The following RARG variants were observed in gnomAD, a reference collection of about 807,000 sequenced individuals.
RARG encodes the protein retinoic acid receptor gamma.
In RARG, 17 loss-of-function variants were observed where a neutral mutation model predicts 43.7. The observed-to-expected ratio is 0.39, with a 90% confidence interval of 0.27 to 0.58. RARG has a LOEUF of 0.58. Ranked by LOEUF, RARG falls within the 20% of genes least tolerant of loss-of-function variation. The pLI, the probability that RARG is intolerant of heterozygous loss-of-function variation, is 0.57. For synonymous variants in RARG, 238 were observed against 236.4 expected (o/e 1.01, Z -0.06); for missense variants, 346 against 598.7 (o/e 0.58, Z 4.40).
intron 3 of RARG, among the ~76,000 whole-genome samples, chr12:53,222,247 AG>A (rs1942990816): frequency 6.6e-6 from 1 of 151,458 alleles, no homozygotes; most frequent in African/African-American, 2.5e-5. Flanking sequence ...AAGAAAAGAA[AG>A]AGAAAGAAAG....
Position 53,227,889 on chromosome 12 carries a change from G to A in RARG, c.-142-202C>T, listed in dbSNP as rs1187341590. On this transcript the variant is annotated intron_variant, in intron 2 of 9. Coordinates refer to ENST00000425354, the MANE Select transcript of RARG (RefSeq NM_000966.6). This position sits in a 1 kb window ranked among gnomAD's most constrained non-coding sequence, Gnocchi z 4.3. ...GAGAAACTCTCCAGAGGAGCTCCAG[G>A]AAAGGTTAAACTGAGGTCCCAAGGT... Among the ~76,000 whole-genome samples the A allele has an allele frequency of 6.6e-6, 1 of 152,186 alleles. No individual in the cohort carries two copies. The highest frequency in any genetic ancestry group is 2.4e-5 in the African/African-American group (1 of 41,440).
intron 3 of RARG, among the ~76,000 whole-genome samples, chr12:53,220,619 T>G (rs1429381456): frequency 6.6e-6 from 1 of 152,168 alleles, no homozygotes; most frequent in Non-Finnish European, 1.5e-5. Flanking sequence ...TGCACACACG[T>G]TTGTGCAAAC....
Position 53,215,599 on chromosome 12 carries a change from C to T in RARG, c.333+47G>A. ...TCTGTGTGCCTGGTCTCTCATCTTA[C>T]TAGGGTAACTGGATCCCCCGTCTGC... is the stretch of plus-strand genomic sequence containing the variant. On this transcript the variant is annotated intron_variant, in intron 4 of 9. Coordinates refer to ENST00000425354, the MANE Select transcript of RARG (RefSeq NM_000966.6). The surrounding 1 kb of genome is among the most constrained non-coding windows in gnomAD (Gnocchi z 6.4). 6.3e-7 allele frequency: 1 copy of T among 1,594,242 alleles called. No individual in the cohort carries two copies. The highest frequency in any genetic ancestry group is 8.6e-7 in the Non-Finnish European group (1 of 1,168,082).
At chr12:53,216,839 TGTGC>T (rs750441345) in intron 3 of RARG, among the ~76,000 whole-genome samples, 39 of 146,826 alleles carry the variant, frequency 2.7e-4, no homozygotes, top group South Asian at 1.4e-3. Context: ...TGTGTGTGTG[TGTGC>T]GCGCGCGCGC....
At position 53,214,506 on chromosome 12, in the gene RARG, C is replaced by T. The variant is rs762134123; in HGVS notation, c.576G>A (p.Lys192=). The T allele has an allele frequency of 3.4e-5, 55 of 1,613,856 alleles. No homozygotes were observed. The highest frequency in any genetic ancestry group is 4.3e-5 in the Non-Finnish European group (51 of 1,179,858). Residue 192 remains lysine, a synonymous_variant, in exon 6 of 10, where the codon AAG becomes AAA. Coordinates refer to ENST00000425354, the MANE Select transcript of RARG (RefSeq NM_000966.6). ...LSPQLEELIT[K]VSKAHQETFP... Reference sequence around the variant, plus strand: ...AAGTCTCCTGATGGGCTTTGCTGACCTTGGTGATGAGCTCTTCTAACTGAG... The same window carrying T: ...AAGTCTCCTGATGGGCTTTGCTGACTTTGGTGATGAGCTCTTCTAACTGAG...
At chr12:53,230,840 TG>T in intron 2 of RARG, among the ~76,000 whole-genome samples, 1 of 70,884 alleles carries the variant, frequency 1.4e-5, no homozygotes, top group African/African-American at 7.6e-5. Flanking sequence ...ACAGTGCGTG[TG>T]TGTGTGTGTG....
Position 53,227,694 on chromosome 12 carries a change from A to G in RARG, c.-142-7T>C. On this transcript the variant is annotated splice_region_variant and splice_polypyrimidine_tract_variant and intron_variant, in intron 2 of 9. Coordinates refer to ENST00000425354, the MANE Select transcript of RARG (RefSeq NM_000966.6). This position sits in a 1 kb window ranked among gnomAD's most constrained non-coding sequence, Gnocchi z 4.3. ...CACTGGGCCTCCAAAAGTCCTAGGG[A>G]GAAAGAGAGAGAAAGGAGAGATGAG... is the stretch of plus-strand genomic sequence containing the variant. 10 of 1,268,690 alleles carry G rather than the reference A, an allele frequency of 7.9e-6. No individual in the cohort carries two copies. Among genetic ancestry groups the G allele is most frequent in the Non-Finnish European group, 9.1e-6 (9 of 988,608 alleles). 78.6% of individuals were successfully genotyped at this position (1,268,690 alleles called of 1,614,324 possible).
chr12:53,221,250 C>T (rs1213798719), intron 3 of RARG, among the ~76,000 whole-genome samples: 2 of 151,826 alleles, frequency 1.3e-5, no homozygotes, highest in African/African-American at 2.4e-5. Flanking sequence ...CCCTCCGAGT[C>T]CCCGAAGCCT....
At chr12:53,214,363 C>A in intron 6 of RARG, 83 bp downstream of exon 6, 2 of 1,554,398 alleles carry the variant, frequency 1.3e-6, no homozygotes, top group Middle Eastern at 2.2e-4. Context: ...CAGCACCAGT[C>A]GATGATAGCC....
At chr12:53,220,197 G>C in intron 3 of RARG, 3 of 1,548,226 alleles carry the variant, frequency 1.9e-6, no homozygotes, top group Non-Finnish European at 2.6e-6. Flanking sequence ...CCAGCAGGGG[G>C]GGAGGGGGAG....
intron 2 of RARG, chr12:53,229,706 C>G (rs1459345762): frequency 6.4e-6 from 1 of 155,094 alleles, no homozygotes; most frequent in Non-Finnish European, 1.4e-5. Flanking sequence ...GGCCACATTC[C>G]AGGTGGATTA....
chr12:53,214,330 C>G lies in RARG; in HGVS notation c.637-95G>C, dbSNP rs569421925. 2.0e-4 allele frequency: 300 copies of G among 1,536,208 alleles called. No homozygotes were observed. In the African/African-American group the frequency reaches 3.8e-3, roughly 19 times the overall value. ...CCAATATCCCAAGCTCTCTCCTCTG[C>G]ATTCTGATGCCCTCCTTGTCCTCAG... On this transcript the variant is annotated intron_variant, in intron 6 of 9. Transcript: ENST00000425354.
chr12:53,221,719 C>G (rs1194540721), intron 3 of RARG, among the ~76,000 whole-genome samples: 1 of 151,350 alleles, frequency 6.6e-6, no homozygotes, highest in African/African-American at 2.4e-5. Context: ...AGCGGCGACT[C>G]CCGGAAATCC....
chr12:53,230,331 G>A (rs546068910), intron 2 of RARG, among the ~76,000 whole-genome samples: 11 of 152,108 alleles, frequency 7.2e-5, no homozygotes, highest in Middle Eastern at 3.4e-3. Flanking sequence ...GGGGGCTGCC[G>A]GATGGAGGGG....
intron 2 of RARG, among the ~76,000 whole-genome samples, chr12:53,230,932 C>G (rs191854804): frequency 6.6e-6 from 1 of 151,844 alleles, no homozygotes; most frequent in African/African-American, 2.4e-5. Context: ...GCACACACTA[C>G]CCCCACTCCC....
At chr12:53,229,449 A>G (rs1463183160) in intron 2 of RARG, among the ~76,000 whole-genome samples, 1 of 152,048 alleles carries the variant, frequency 6.6e-6, no homozygotes, top group Non-Finnish European at 1.5e-5. Flanking sequence ...ACGCCATCAC[A>G]TTTCACTCAG....
rs1275803233 is a variant in RARG, at chr12:53,213,269, A to G, written c.1019-26T>C. ...CTATGGGGACAAGTATACTGGAGTG[A>G]GAGGGGAAGGAAGAGATGGGGAAGA... On this transcript the variant is annotated intron_variant, in intron 8 of 9. Coordinates refer to ENST00000425354, the MANE Select transcript of RARG (RefSeq NM_000966.6). This position sits in a 1 kb window ranked among gnomAD's most constrained non-coding sequence, Gnocchi z 4.7. 1.9e-6 allele frequency: 3 copies of G among 1,539,188 alleles called. No homozygotes were observed. The highest frequency in any genetic ancestry group is 2.7e-6 in the Non-Finnish European group (3 of 1,116,920).
At chr12:53,229,580 G>A (rs1943183655) in intron 2 of RARG, among the ~76,000 whole-genome samples, 1 of 152,106 alleles carries the variant, frequency 6.6e-6, no homozygotes, top group Non-Finnish European at 1.5e-5. Context: ...AGCCTCCAGG[G>A]TCCCTCTCCT....
At chr12:53,212,124 C>T (rs1288126261) in intron 9 of RARG, among the ~76,000 whole-genome samples, 1 of 152,212 alleles carries the variant, frequency 6.6e-6, no homozygotes, top group Non-Finnish European at 1.5e-5. Flanking sequence ...TCAGCGAGCG[C>T]AATGCACACA....
Sources: gnomAD v4.1 joint callset for allele counts (sites outside exome capture counted in the v4.1 genomes callset) on GRCh38, gnomAD v4.1.1 for gene constraint, Gnocchi (gnomAD v3.1) non-coding constraint, MANE v1.5 for transcripts, NCBI Gene and HGNC (gene_info 2026-07-23, HGNC 2026-07-21) for gene names.